NCKAP5: variants seen among roughly 807,000 people sequenced by gnomAD.
NCKAP5 encodes the protein nck-associated protein 5.
In NCKAP5, 92 loss-of-function variants were observed where a neutral mutation model predicts 167.0. That is an observed-to-expected ratio of 0.55 (90% CI 0.47 to 0.66). The LOEUF (loss-of-function observed/expected upper bound fraction) is 0.66, where lower values mean the gene tolerates loss of function less well. Among genes scored for constraint, NCKAP5 ranks in the 30% least tolerant of loss-of-function variants. The pLI is 0.00. For missense variants in NCKAP5, 2,378 were observed against 2,315.0 expected, an observed-to-expected ratio of 1.03 and a Z score of -0.56; for synonymous variants, 891 against 877.4, an observed-to-expected ratio of 1.02 and a Z score of -0.27.
chr2:132,954,714 A>C, intron 8 of NCKAP5: 1 of 451,656 alleles, frequency 2.2e-6, no homozygotes, highest in Non-Finnish European at 4.4e-6. Flanking sequence ...TAATAACAAA[A>C]AGACTAGAAA....
chr2:133,338,387 G>C (rs780329708), intron 3 of NCKAP5, among the ~76,000 whole-genome samples: 1 of 152,200 alleles, frequency 6.6e-6, no homozygotes, highest in Non-Finnish European at 1.5e-5. Context: ...TAGTAAGTAA[G>C]CATTCAGAGC....
intron 3 of NCKAP5, among the ~76,000 whole-genome samples, chr2:133,445,873 C>T (rs533221577): frequency 6.6e-6 from 1 of 152,256 alleles, no homozygotes; most frequent in South Asian, 2.1e-4. Flanking sequence ...AAAAAATTAG[C>T]AATAATTCAA....
At chr2:132,773,150 G>A (rs552478558) in intron 16 of NCKAP5, among the ~76,000 whole-genome samples, 4 of 152,318 alleles carry the variant, frequency 2.6e-5, no homozygotes, top group African/African-American at 9.6e-5. Context: ...CAAGTGTCCA[G>A]GGTGGCCTGG....
chr2:133,270,912 ATTTT>A (rs1255134862), intron 4 of NCKAP5, among the ~76,000 whole-genome samples: 1 of 128,968 alleles, frequency 7.8e-6, no homozygotes, highest in African/African-American at 2.9e-5. Flanking sequence ...GTTGCTTCAA[ATTTT>A]TTTTTTTTTT....
At chr2:133,344,582 G>A (rs1683834918) in intron 3 of NCKAP5, among the ~76,000 whole-genome samples, 1 of 152,010 alleles carries the variant, frequency 6.6e-6, no homozygotes, top group Admixed American at 6.6e-5. Flanking sequence ...TATTCATCTA[G>A]GCAAGAAGTG....
At chr2:133,045,193 G>T (rs1383333443) in intron 6 of NCKAP5, among the ~76,000 whole-genome samples, 1 of 152,004 alleles carries the variant, frequency 6.6e-6, no homozygotes, top group Non-Finnish European at 1.5e-5. Flanking sequence ...TCACATGATG[G>T]AACAATGCAC....
intron 6 of NCKAP5, among the ~76,000 whole-genome samples, chr2:133,000,555 T>G (rs1045657231): frequency 3.3e-5 from 5 of 152,186 alleles, no homozygotes; most frequent in Non-Finnish European, 7.3e-5. Context: ...CAACACATAC[T>G]TCACTTTGGA....
At chr2:133,556,672 T>C (rs1209940711) in intron 2 of NCKAP5, 1 of 152,248 alleles carries the variant, frequency 6.6e-6, no homozygotes, top group African/African-American at 2.4e-5. Context: ...AATCTTTCTT[T>C]TTTATTTCAA....
chr2:133,390,366 T>G (rs751322377), intron 3 of NCKAP5, among the ~76,000 whole-genome samples: 13 of 152,182 alleles, frequency 8.5e-5, no homozygotes, highest in Non-Finnish European at 1.8e-4. Context: ...ATGTGGCTAT[T>G]ATGTGCATAC....
chr2:133,117,606 T>A (rs1201580507), intron 6 of NCKAP5: 2 of 152,240 alleles, frequency 1.3e-5, no homozygotes, highest in East Asian at 3.8e-4. Flanking sequence ...ACATATCATG[T>A]GCTTTGGTGA....
At chr2:133,623,590 C>T in the NCKAP5 span, among the ~76,000 whole-genome samples, 1 of 151,542 alleles carries the variant, frequency 6.6e-6, no homozygotes, top group East Asian at 1.9e-4. Flanking sequence ...CAAATCAAAA[C>T]CACAATGCAA....
At chr2:133,116,612 G>C (rs986595490) in intron 6 of NCKAP5, among the ~76,000 whole-genome samples, 1 of 150,908 alleles carries the variant, frequency 6.6e-6, no homozygotes. Flanking sequence ...TTAGTAAAAC[G>C]GTATATATCT....
At chr2:133,073,885 GC>G (rs2080506971) in intron 6 of NCKAP5, among the ~76,000 whole-genome samples, 2 of 152,150 alleles carry the variant, frequency 1.3e-5, no homozygotes, top group Non-Finnish European at 2.9e-5. Context: ...GAAAATGTCT[GC>G]TTTAACCTGA....
rs536999772 is a variant in NCKAP5 at position 132,977,418 on chromosome 2, C to T, written c.430-13549G>A. On this transcript the variant is annotated intron_variant, in intron 7 of 19. Coordinates refer to ENST00000409261, the MANE Select transcript of NCKAP5 (RefSeq NM_207363.3). ...CTCTCTTAGAAAATGAGATTTTGCA[C>T]GCTTATCCTTTAACTGACACCCCCT... Among the ~76,000 whole-genome samples, 23 of 152,272 alleles carry T rather than the reference C, an allele frequency of 1.5e-4. No individual in the cohort carries two copies. The South Asian group carries it at 3.5e-3, about 23-fold the overall frequency.
the NCKAP5 span, among the ~76,000 whole-genome samples, chr2:133,671,214 CAAAAAAAAAAA>C: frequency 5.6e-5 from 3 of 53,988 alleles, no homozygotes; most frequent in Admixed American, 4.7e-4. Flanking sequence ...GACTCCGTCT[CAAAAAAAAAAA>C]AAAAAAAAAA....
chr2:133,573,435 T>C (rs1688938596), upstream of NCKAP5, among the ~76,000 whole-genome samples: 2 of 152,178 alleles, frequency 1.3e-5, no homozygotes, highest in Admixed American at 1.3e-4. Flanking sequence ...ACAGCCTACA[T>C]CTGCTGGGAG....
At chr2:132,796,181 C>T (rs959639504) in intron 12 of NCKAP5, among the ~76,000 whole-genome samples, 28 of 151,910 alleles carry the variant, frequency 1.8e-4, no homozygotes, top group African/African-American at 6.0e-4. Flanking sequence ...TTTATGTCAA[C>T]GAGAGTTAAA....
At chr2:132,994,664 G>C (rs776134987) in intron 6 of NCKAP5, among the ~76,000 whole-genome samples, 7 of 152,162 alleles carry the variant, frequency 4.6e-5, no homozygotes, top group Non-Finnish European at 1.0e-4. Flanking sequence ...TTTCTGTGAT[G>C]GTCTTTCTAT....
intron 3 of NCKAP5, among the ~76,000 whole-genome samples, chr2:133,392,661 C>T (rs1319738985): frequency 6.6e-6 from 1 of 152,110 alleles, no homozygotes; most frequent in Non-Finnish European, 1.5e-5. Context: ...TAAATGGAGA[C>T]ATAGGTTCCT....
Sources: gnomAD v4.1 joint callset for allele counts (sites outside exome capture counted in the v4.1 genomes callset) on GRCh38, gnomAD v4.1.1 for gene constraint, MANE v1.5 for transcripts, NCBI Gene and HGNC (gene_info 2026-07-23, HGNC 2026-07-21) for gene names.